Variants in ITSN2 observed in about 807,000 individuals in gnomAD.
ITSN2 encodes intersectin 2.
A neutral mutation model predicts 243.7 loss-of-function variants in ITSN2; 156 were observed. That is an observed-to-expected ratio of 0.64 (90% CI 0.56 to 0.73). The LOEUF (loss-of-function observed/expected upper bound fraction) is 0.73, where lower values mean the gene tolerates loss of function less well. Among genes scored for constraint, ITSN2 ranks in the 30% least tolerant of loss-of-function variants. ITSN2 has a pLI of 0.00. For synonymous variants in ITSN2, 703 were observed against 699.9 expected (o/e 1.00, Z -0.07); for missense variants, 1,801 against 1,996.1 (o/e 0.90, Z 1.86).
In ITSN2 at chr2:24,308,901, C is replaced by CG. The variant is rs777171891; in HGVS notation, c.654-146dup. 11 of 615,126 alleles carry CG rather than the reference C, an allele frequency of 1.8e-5. No homozygotes were observed. The East Asian group carries it at 3.8e-4, about 21-fold the overall frequency. 38.1% of individuals were successfully genotyped at this position (615,126 alleles called of 1,614,324 possible). ...ACCTGTTAGGAACCGGGCTGGACAG[C>CG]GGGGCTCGGTGAGTGGCAGGTGAGT... On this transcript the variant is annotated intron_variant, in intron 7 of 39. Transcript: ENST00000355123.
Position 24,209,997 on chromosome 2 carries a change from G to T in ITSN2, c.4294C>A (p.Pro1432Thr). 6.2e-7 allele frequency: 1 copy of T among 1,614,026 alleles called. No homozygotes were observed. The highest frequency in any genetic ancestry group is 1.7e-4 in the Middle Eastern group (1 of 6,060). The change falls in exon 35 of 40, where the codon CCC becomes ACC. Residue 1432 changes from proline (P) to threonine (T), a missense_variant. Pro to Thr is a conservative substitution (Grantham distance 38). Transcript: ENST00000355123. ...TTCCCACTGTGTAAGAGCTTCCGGG[G>T]CCCCAGGCAGTTGGTGAGAGAGTTG... is the stretch of plus-strand genomic sequence containing the variant. ...IFNSLTNCLG[P>T]RKLLHSGKLY... is the part of the protein sequence containing the mutation.
In ITSN2 at chr2:24,225,925, A is replaced by G. The variant is rs1171406235; in HGVS notation, c.3578-4859T>C. On this transcript the variant is annotated intron_variant, in intron 29 of 39. Transcript: ENST00000355123. This position sits in a 1 kb window ranked among gnomAD's most constrained non-coding sequence, Gnocchi z 4.2. Reference sequence around the variant, plus strand: ...TATGGATAGGATACACCCCTTTGCCACTCTCTATACCTGCATTGTCAATAG... The same window carrying G: ...TATGGATAGGATACACCCCTTTGCCGCTCTCTATACCTGCATTGTCAATAG... Among the ~76,000 whole-genome samples the G allele has an allele frequency of 2.0e-5, 3 of 151,804 alleles. No homozygotes were observed. Among genetic ancestry groups the G allele is most frequent in the Non-Finnish European group, 4.4e-5 (3 of 67,958 alleles).
chr2:24,284,250 T>G (rs754939670), intron 17 of ITSN2, among the ~76,000 whole-genome samples: 1 of 152,254 alleles, frequency 6.6e-6, no homozygotes, highest in Non-Finnish European at 1.5e-5. Flanking sequence ...TGTCTAAATA[T>G]GAGCCTGGTA....
At chr2:24,305,576 CAAAAA>C (rs537945691) in intron 8 of ITSN2, among the ~76,000 whole-genome samples, 2 of 40,904 alleles carry the variant, frequency 4.9e-5, no homozygotes, top group South Asian at 1.5e-3. Context: ...GACTCTGTCT[CAAAAA>C]AAAAAAAAAA....
At chr2:24,276,092 A>G (rs1287433057) in intron 17 of ITSN2, among the ~76,000 whole-genome samples, 1 of 152,244 alleles carries the variant, frequency 6.6e-6, no homozygotes, top group Admixed American at 6.5e-5. Context: ...TACGGAACAC[A>G]GAATCTTTAA....
At chr2:24,222,357 G>C (rs1670550111) in intron 29 of ITSN2, among the ~76,000 whole-genome samples, 1 of 150,792 alleles carries the variant, frequency 6.6e-6, no homozygotes, top group South Asian at 2.1e-4. Context: ...AGGCCATGAA[G>C]AGAGAGTTCT....
chr2:24,295,432 G>A (rs1319911764), intron 14 of ITSN2, among the ~76,000 whole-genome samples: 5 of 151,988 alleles, frequency 3.3e-5, no homozygotes, highest in South Asian at 2.1e-4. Context: ...TCAGCCTCCC[G>A]AGTTGCTGGG....
rs774551081 is a variant in ITSN2 at position 24,271,941 on chromosome 2, C to T, written c.2082G>A (p.Arg694=). 30 of 1,382,658 alleles carry T rather than the reference C, an allele frequency of 2.2e-5. 1 individual carries two copies. In the African/African-American group the frequency reaches 4.1e-4, roughly 19 times the overall value. 85.6% of individuals were successfully genotyped at this position (1,382,658 alleles called of 1,614,324 possible). A position where few individuals can be genotyped will look rare whatever the true frequency, so the allele number is the denominator to read the frequency against. ...AGTTTTCTTTTCCTTGCTTTGCTTT[C>T]CTTTACATAAAAGAAAAAGAGTTTG... ...QKKKLEDEAA[R]KAKQGKENLW... Residue 694 remains arginine (R), a splice_region_variant and synonymous_variant, in exon 19 of 40, where the codon AGG becomes AGA. Coordinates refer to ENST00000355123, the MANE Select transcript of ITSN2 (RefSeq NM_006277.3).
chr2:24,324,092 C>T (rs184748254), intron 2 of ITSN2, among the ~76,000 whole-genome samples: 122 of 152,152 alleles, frequency 8.0e-4, no homozygotes, highest in African/African-American at 2.9e-3. Flanking sequence ...CTTAGCTAGG[C>T]GTGGTGGTGA....
chr2:24,225,461 C>T lies in ITSN2; in HGVS notation c.3578-4395G>A, dbSNP rs915010975. 6.6e-6 allele frequency among the ~76,000 whole-genome samples: 1 copy of T among 152,210 alleles called. No homozygotes were observed. Among genetic ancestry groups the T allele is most frequent in the Non-Finnish European group, 1.5e-5 (1 of 68,036 alleles). On this transcript the variant is annotated intron_variant, in intron 29 of 39. Coordinates refer to ENST00000355123, the MANE Select transcript of ITSN2 (RefSeq NM_006277.3). The surrounding 1 kb of genome is among the most constrained non-coding windows in gnomAD (Gnocchi z 4.2). ...ACCTTGGCATTGCCAAGTTCAGTGA[C>T]CTCTTCTGAGCTTGCACCCTCCCCT...
At chr2:24,323,108 G>A (rs927087055) in intron 2 of ITSN2, among the ~76,000 whole-genome samples, 1 of 151,972 alleles carries the variant, frequency 6.6e-6, no homozygotes, top group Non-Finnish European at 1.5e-5. Context: ...ATATATGCTG[G>A]TGGGAAAGCA....
chr2:24,328,116 C>T lies in ITSN2; in HGVS notation c.-33-1G>A, dbSNP rs1459891932. ...GTTTTCCTTGCTAGCTCTCAGCCAT[C>T]TGCAACATAAAAATATTGTGCCGTT... On this transcript the variant is annotated splice_acceptor_variant, in intron 1 of 39. Coordinates refer to ENST00000355123, the MANE Select transcript of ITSN2 (RefSeq NM_006277.3). LOFTEE classifies it low-confidence loss of function (5UTR_SPLICE). The T allele has an allele frequency of 6.2e-7, 1 of 1,611,598 alleles. No individual in the cohort carries two copies. Among genetic ancestry groups the T allele is most frequent in the South Asian group, 1.1e-5 (1 of 90,888 alleles).
At chr2:24,339,408 T>G (rs889659963) in intron 1 of ITSN2, among the ~76,000 whole-genome samples, 1 of 151,146 alleles carries the variant, frequency 6.6e-6, no homozygotes. Flanking sequence ...AAGGCGAAGG[T>G]TGCAGTGACC....
chr2:24,319,387 G>A (rs1191079515), intron 2 of ITSN2, among the ~76,000 whole-genome samples: 1 of 152,164 alleles, frequency 6.6e-6, no homozygotes, highest in Non-Finnish European at 1.5e-5. Flanking sequence ...TCTTCTGCAA[G>A]AAAAATGCCT....
intron 17 of ITSN2, among the ~76,000 whole-genome samples, chr2:24,282,215 G>A (rs376686459): frequency 5.3e-5 from 8 of 152,288 alleles, no homozygotes; most frequent in East Asian, 3.9e-4. Context: ...GGACCACATC[G>A]GCAGAAGACG....
chr2:24,306,247 T>C (rs1682523795), intron 8 of ITSN2, among the ~76,000 whole-genome samples: 1 of 152,174 alleles, frequency 6.6e-6, no homozygotes, highest in African/African-American at 2.4e-5. Flanking sequence ...CCCAAAATGT[T>C]GGAATTACAG....
intron 1 of ITSN2, among the ~76,000 whole-genome samples, chr2:24,356,202 C>A (rs1349232678): frequency 2.9e-4 from 40 of 138,370 alleles, no homozygotes; most frequent in East Asian, 4.2e-4. Context: ...GACTCCATCT[C>A]AAAAAAAAAA....
At chr2:24,292,350 T>A (rs551022257) in intron 15 of ITSN2, among the ~76,000 whole-genome samples, 3 of 152,218 alleles carry the variant, frequency 2.0e-5, no homozygotes, top group Admixed American at 2.0e-4. Context: ...AATAAAGATA[T>A]ATTTCTGCCA....
At chr2:24,308,849 C>A in intron 7 of ITSN2, 93 bp from the exon 8 acceptor site, 1 of 843,252 alleles carries the variant, frequency 1.2e-6, no homozygotes, top group Non-Finnish European at 1.8e-6. Flanking sequence ...TCTTATATAC[C>A]AGGGGTCCTG....
Sources: gnomAD v4.1 joint callset for allele counts (sites outside exome capture counted in the v4.1 genomes callset) on GRCh38, gnomAD v4.1.1 for gene constraint, Gnocchi (gnomAD v3.1) non-coding constraint, MANE v1.5 for transcripts, NCBI Gene and HGNC (gene_info 2026-07-23, HGNC 2026-07-21) for gene names.